The following TASP1 variants were observed in gnomAD, a reference collection of about 807,000 sequenced individuals.
The protein encoded by TASP1 is taspase 1.
TASP1 carries 16 observed loss-of-function variants against 56.6 expected under a neutral mutation model. The ratio of observed to expected loss-of-function variants is 0.28; its 90% confidence interval spans 0.19 to 0.43. The LOEUF (loss-of-function observed/expected upper bound fraction) is 0.43. TASP1 is among the 20% of genes least tolerant of loss of function. TASP1 has a pLI of 1.00. For synonymous variants in TASP1, 179 were observed against 184.2 expected, an observed-to-expected ratio of 0.97 and a Z score of 0.23; for missense variants, 393 against 511.6, an observed-to-expected ratio of 0.77 and a Z score of 2.24.
At chr20:13,529,735 G>C (rs1409536638) in intron 9 of TASP1, among the ~76,000 whole-genome samples, 1 of 152,188 alleles carries the variant, frequency 6.6e-6, no homozygotes, top group African/African-American at 2.4e-5. Flanking sequence ...TTTTCTAAGA[G>C]TTCATTCTGA....
At chr20:13,439,947 C>T (rs1600803001) in intron 11 of TASP1, among the ~76,000 whole-genome samples, 1 of 151,914 alleles carries the variant, frequency 6.6e-6, no homozygotes, top group African/African-American at 2.4e-5. Flanking sequence ...TCAACCTCCC[C>T]GTACAACTCA....
At chr20:13,378,007 A>AT in the TASP1 span, among the ~76,000 whole-genome samples, 53 of 151,040 alleles carry the variant, frequency 3.5e-4, no homozygotes, top group East Asian at 0.01. Flanking sequence ...TATTTTGTTA[A>AT]TTTTTTCAAA....
intron 10 of TASP1, among the ~76,000 whole-genome samples, chr20:13,498,796 CA>C (rs34158191): frequency 0.025 from 3,251 of 129,884 alleles, 81 homozygotes; most frequent in African/African-American, 0.066. Context: ...ATAAAAAAGG[CA>C]AAAAAAAAAA....
intron 11 of TASP1, among the ~76,000 whole-genome samples, chr20:13,472,025 C>T (rs2044521336): frequency 6.6e-6 from 1 of 151,932 alleles, no homozygotes; most frequent in African/African-American, 2.4e-5. Flanking sequence ...AAAGAGCCTG[C>T]ATTGCCAAGA....
the TASP1 span, among the ~76,000 whole-genome samples, chr20:13,273,506 G>C: frequency 2.0e-5 from 3 of 152,056 alleles, no homozygotes; most frequent in Non-Finnish European, 4.4e-5. Flanking sequence ...AAAATGCGGG[G>C]ATTATAGACA....
chr20:13,250,338 T>C, the TASP1 span, among the ~76,000 whole-genome samples: 2 of 152,224 alleles, frequency 1.3e-5, no homozygotes, highest in East Asian at 1.9e-4. Flanking sequence ...GAAACTCCTT[T>C]GATAAGGCTC....
the TASP1 span, among the ~76,000 whole-genome samples, chr20:13,127,269 T>C: frequency 6.6e-6 from 1 of 152,190 alleles, no homozygotes. Context: ...TTTGAAAAAT[T>C]GTTTCATAAA....
intron 7 of TASP1, among the ~76,000 whole-genome samples, chr20:13,568,372 ATTAT>A (rs2046606174): frequency 6.6e-6 from 1 of 152,138 alleles, no homozygotes; most frequent in Non-Finnish European, 1.5e-5. Flanking sequence ...TTTTCATTTG[ATTAT>A]TTAAATTATA....
the TASP1 span, among the ~76,000 whole-genome samples, chr20:13,286,850 G>A: frequency 4.1e-3 from 617 of 152,328 alleles, 3 homozygotes; most frequent in Non-Finnish European, 6.2e-3. Context: ...GCCACGACCT[G>A]TTATGAACAG....
chr20:13,366,037 C>T, the TASP1 span, among the ~76,000 whole-genome samples: 2 of 152,236 alleles, frequency 1.3e-5, no homozygotes, highest in African/African-American at 4.8e-5. Context: ...ACCTGAGCAA[C>T]TGGGCAAGCG....
At chr20:13,306,564 C>CAAAAAAAA in the TASP1 span, among the ~76,000 whole-genome samples, 217 of 63,884 alleles carry the variant, frequency 3.4e-3, 3 homozygotes, top group African/African-American at 8.5e-3. Flanking sequence ...GGAGAAAGGA[C>CAAAAAAAA]AAAAAAAAAA....
the TASP1 span, among the ~76,000 whole-genome samples, chr20:13,169,727 C>T: frequency 6.6e-6 from 1 of 152,050 alleles, no homozygotes; most frequent in Admixed American, 6.6e-5. Flanking sequence ...TACGTAAAAT[C>T]GAATAGTATA....
the TASP1 span, among the ~76,000 whole-genome samples, chr20:13,308,636 C>A: frequency 6.6e-6 from 1 of 152,142 alleles, no homozygotes; most frequent in Non-Finnish European, 1.5e-5. Context: ...TACAATCCAG[C>A]TGTTAAATGA....
Position 13,430,532 on chromosome 20 carries a change from G to C in TASP1, c.1096+4512C>G, listed in dbSNP as rs943464736. Among the ~76,000 whole-genome samples, 18 of 152,330 alleles carry C rather than the reference G, an allele frequency of 1.2e-4. No individual in the cohort carries two copies. The East Asian group carries it at 3.5e-3, about 29-fold the overall frequency. ...CACAGTGCTGCTTGAGTGTCCTCAT[G>C]ACATGGCAGTTGGTCTCACCCAGAG... On this transcript the variant is annotated intron_variant, in intron 12 of 13. Coordinates refer to ENST00000337743, the MANE Select transcript of TASP1 (RefSeq NM_017714.3).
At chr20:13,480,536 C>T (rs538441165) in intron 11 of TASP1, among the ~76,000 whole-genome samples, 8 of 152,090 alleles carry the variant, frequency 5.3e-5, no homozygotes, top group African/African-American at 1.9e-4. Flanking sequence ...TAAGATGGGG[C>T]TCAATATGTA....
At chr20:13,465,954 A>T (rs577933976) in intron 11 of TASP1, among the ~76,000 whole-genome samples, 4 of 152,276 alleles carry the variant, frequency 2.6e-5, no homozygotes, top group African/African-American at 9.6e-5. Flanking sequence ...CTCACACATG[A>T]TAAAACTGCA....
chr20:13,391,697 G>A (rs569124325), intron 13 of TASP1, among the ~76,000 whole-genome samples: 2 of 152,248 alleles, frequency 1.3e-5, no homozygotes, highest in East Asian at 3.9e-4. Flanking sequence ...GCCGGGCGTG[G>A]TGGCTCACGC....
intron 11 of TASP1, among the ~76,000 whole-genome samples, chr20:13,466,079 T>C (rs1400505287): frequency 6.6e-6 from 1 of 152,168 alleles, no homozygotes; most frequent in Non-Finnish European, 1.5e-5. Context: ...TGACATTCTA[T>C]TATAATTCTG....
chr20:13,341,928 G>T, the TASP1 span, among the ~76,000 whole-genome samples: 2 of 152,172 alleles, frequency 1.3e-5, no homozygotes, highest in Non-Finnish European at 2.9e-5. Context: ...GCTAGCCTGG[G>T]CTGGTGGTTC....
Sources: allele counts gnomAD v4.1 joint callset (sites outside exome capture counted in the v4.1 genomes callset), GRCh38; gene constraint gnomAD v4.1.1; transcripts MANE v1.5; gene names NCBI Gene and HGNC (gene_info 2026-07-23, HGNC 2026-07-21).